The following ADGRG4 variants were observed in gnomAD, a reference collection of about 807,000 sequenced individuals.
ADGRG4 encodes the protein G protein-coupled receptor 112.
In ADGRG4, 122 loss-of-function variants were observed where a neutral mutation model predicts 126.2. The observed-to-expected ratio is 0.97, with a 90% CI of 0.83 to 1.12. The LOEUF (loss-of-function observed/expected upper bound fraction) is 1.12. Ranked by LOEUF, ADGRG4 falls within the 50% of genes most tolerant of loss-of-function variation. The pLI, the probability that ADGRG4 is intolerant of heterozygous loss-of-function variation, is 0.00. For synonymous variants in ADGRG4, 943 were observed against 838.7 expected, an observed-to-expected ratio of 1.12 and a Z score of -2.15; for missense variants, 2,481 against 2,251.8, an observed-to-expected ratio of 1.10 and a Z score of -2.06.
chrX:136,412,233 CA>C, intron 23 of ADGRG4, 31 bp from the exon 24 acceptor site: 1 of 1,040,242 alleles, frequency 9.6e-7, no homozygotes, highest in Non-Finnish European at 1.4e-6. Flanking sequence ...TGAAAGAAAC[CA>C]AAAAAGACTG....
chrX:136,346,832 T>C lies in ADGRG4; in HGVS notation c.3126T>C (p.Ala1042=). 2 of 1,211,038 alleles carry C rather than the reference T, an allele frequency of 1.7e-6. No homozygotes were observed. The highest frequency in any genetic ancestry group is 2.2e-6 in the Non-Finnish European group (2 of 894,871). The change falls in exon 6 of 26, where the codon GCT becomes GCC. Residue 1042 remains alanine (A), a synonymous_variant. Coordinates refer to ENST00000394143, the MANE Select transcript of ADGRG4 (RefSeq NM_153834.4). ...TMSEPSTLAR[A]FSTSVLSDVS... The stretch of plus-strand genomic sequence containing the variant: ...CTGAGCCTTCTACACTGGCCAGGGC[T>C]TTTTCTACATCTGTGCTCTCAGATG...
intron 15 of ADGRG4, among the ~76,000 whole-genome samples, chrX:136,384,274 C>G (rs779229195): frequency 9.0e-6 from 1 of 110,526 alleles, no homozygotes; most frequent in East Asian, 2.8e-4. Context: ...TTTTTACAGT[C>G]TACTTAGAGT....
chrX:136,356,108 G>T lies in ADGRG4; in HGVS notation c.6888-18G>T. 8.7e-7 allele frequency: 1 copy of T among 1,155,675 alleles called. No individual in the cohort carries two copies. The highest frequency in any genetic ancestry group is 1.8e-5 in the African/African-American group (1 of 56,719). ...CTATATTTCATTTTCCTATAATTTT[G>T]TAATGCTTTTGATACAGGGACATTT... is the stretch of plus-strand genomic sequence containing the variant. On this transcript the variant is annotated intron_variant, in intron 8 of 25. Transcript: ENST00000394143.
At chrX:136,362,737 C>T (rs759058421) in intron 12 of ADGRG4, among the ~76,000 whole-genome samples, 1 of 111,892 alleles carries the variant, frequency 8.9e-6, no homozygotes, top group African/African-American at 3.2e-5. Flanking sequence ...TTCTCTACCT[C>T]TGTCCTTTCA....
At chrX:136,329,722 T>G (rs1444415325) in intron 5 of ADGRG4, among the ~76,000 whole-genome samples, 2 of 107,769 alleles carry the variant, frequency 1.9e-5, no homozygotes, top group Non-Finnish European at 3.8e-5. Flanking sequence ...CAGGATGTAG[T>G]GCAGTGGTGC....
At chrX:136,302,477 C>CA (rs1391233009) in intron 1 of ADGRG4, among the ~76,000 whole-genome samples, 2 of 112,077 alleles carry the variant, frequency 1.8e-5, no homozygotes, top group Non-Finnish European at 3.8e-5. Context: ...AACAGACAAA[C>CA]AGAGAGCCAA....
intron 4 of ADGRG4, among the ~76,000 whole-genome samples, chrX:136,318,671 G>A (rs1313741444): frequency 9.0e-6 from 1 of 110,631 alleles, no homozygotes; most frequent in African/African-American, 3.3e-5. Flanking sequence ...GAAAAGCAGG[G>A]GACCCAATTT....
At chrX:136,368,524 T>C (rs750311513) in intron 13 of ADGRG4, among the ~76,000 whole-genome samples, 3 of 112,003 alleles carry the variant, frequency 2.7e-5, no homozygotes, top group Non-Finnish European at 5.6e-5. Context: ...CCAGACACCA[T>C]GCTGTAAGAA....
chrX:136,334,010 A>G (rs2074930979), intron 5 of ADGRG4, among the ~76,000 whole-genome samples: 1 of 111,092 alleles, frequency 9.0e-6, no homozygotes, highest in Non-Finnish European at 1.9e-5. Context: ...TTTACATTTA[A>G]GTCTGTGGTC....
At chrX:136,409,625 C>T (rs1409104892) in intron 23 of ADGRG4, among the ~76,000 whole-genome samples, 1 of 111,671 alleles carries the variant, frequency 9.0e-6, no homozygotes, top group Non-Finnish European at 1.9e-5. Context: ...TTTGGTTACA[C>T]ATGGAGATAA....
At position 136,344,567 on chromosome X, in the gene ADGRG4, C is replaced by T. The variant is rs778402710; in HGVS notation, c.861C>T (p.Ser287=). The T allele has an allele frequency of 1.7e-6, 2 of 1,202,800 alleles. No individual in the cohort carries two copies. Among genetic ancestry groups the T allele is most frequent in the Non-Finnish European group, 2.3e-6 (2 of 887,941 alleles). ...FATDYTTISY[S]NTTSPPLETM... is the part of the protein sequence containing the mutation. ...CTGATTACACAACCATATCATATTCCAATACAACATCTCCACCTCTGGAAA... is the reference window on the plus strand; with the variant it reads ...CTGATTACACAACCATATCATATTCTAATACAACATCTCCACCTCTGGAAA... The change falls in exon 6 of 26, where the codon TCC becomes TCT. Residue 287 remains serine (S), a synonymous_variant. Coordinates refer to ENST00000394143, the MANE Select transcript of ADGRG4 (RefSeq NM_153834.4).
In ADGRG4 at chrX:136,324,027, A is replaced by G. The variant is rs760306241; in HGVS notation, c.685+635A>G. ...TCCTCATAATTAGATTCAGGCTATG[A>G]ATTTTTGGTAAGAATACCACAGAAA... On this transcript the variant is annotated intron_variant, in intron 5 of 25. Transcript: ENST00000394143. Among the ~76,000 whole-genome samples the G allele has an allele frequency of 3.6e-5, 4 of 111,788 alleles. No homozygotes were observed. In the East Asian group the frequency reaches 1.1e-3, roughly 31 times the overall value.
In ADGRG4 at chrX:136,349,457, G is replaced by T; in HGVS notation, c.5751G>T (p.Gly1917=). ...CAGAGACTCTACACCTTGTTCCTGG[G>T]CCTTTGTCAACATTCACAGCCTCTC... The part of the protein sequence containing the change: ...METETLHLVP[G]PLSTFTASQT... Residue 1917 remains glycine (G), a synonymous_variant, in exon 6 of 26, where the codon GGG becomes GGT. Coordinates refer to ENST00000394143, the MANE Select transcript of ADGRG4 (RefSeq NM_153834.4). The T allele has an allele frequency of 8.3e-7, 1 of 1,207,407 alleles. No homozygotes were observed. Among genetic ancestry groups the T allele is most frequent in the Non-Finnish European group, 1.1e-6 (1 of 891,777 alleles).
chrX:136,332,190 A>G (rs1226255573), intron 5 of ADGRG4, among the ~76,000 whole-genome samples: 2 of 93,921 alleles, frequency 2.1e-5, no homozygotes, highest in Non-Finnish European at 4.2e-5. Flanking sequence ...AGAGTGTGAT[A>G]TTCCCCTTCC....
chrX:136,409,553 G>A lies in ADGRG4; in HGVS notation c.8936-2712G>A, dbSNP rs181636604. Among the ~76,000 whole-genome samples the A allele has an allele frequency of 3.6e-4, 40 of 111,912 alleles. 1 individual carries two copies. The highest frequency in any genetic ancestry group is 6.4e-4 in the Non-Finnish European group (34 of 53,227). On this transcript the variant is annotated intron_variant, in intron 23 of 25. Transcript: ENST00000394143. ...TTTGCTCTCCTCGGGGTGCTGCACCGCCTTCCAGGTGGCTGCTGCTCAGAA... is the reference window on the plus strand; with the variant it reads ...TTTGCTCTCCTCGGGGTGCTGCACCACCTTCCAGGTGGCTGCTGCTCAGAA...
rs267606364 is a variant in ADGRG4, at chrX:136,346,516, A to T, written c.2810A>T (p.Tyr937Phe). The T allele has an allele frequency of 8.3e-7, 1 of 1,208,861 alleles. No individual in the cohort carries two copies. Among genetic ancestry groups the T allele is most frequent in the Non-Finnish European group, 1.1e-6 (1 of 893,089 alleles). Residue 937 changes from tyrosine (Y) to phenylalanine (F), a missense_variant, in exon 6 of 26, where the codon TAT (tyrosine) becomes TTT (phenylalanine). Transcript: ENST00000394143. ...GAAATGTTTAATTTTAACCACACCT[A>T]TGTAGCACATTGGACTTCAGAGACA... is the stretch of plus-strand genomic sequence containing the variant. ...MTEMFNFNHT[Y>F]VAHWTSETSE... is the part of the protein sequence containing the mutation.
chrX:136,306,231 C>T (rs976250917), intron 3 of ADGRG4: 2 of 110,546 alleles, frequency 1.8e-5, no homozygotes, highest in African/African-American at 3.3e-5. Flanking sequence ...CCCTCTTTCC[C>T]CCTCTCTCCT....
chrX:136,355,022 T>A (rs764587472), intron 8 of ADGRG4, among the ~76,000 whole-genome samples: 23 of 111,153 alleles, frequency 2.1e-4, no homozygotes, highest in Non-Finnish European at 4.0e-4. Context: ...CTGGAGAGGG[T>A]CTTAAGACTC....
intron 10 of ADGRG4, 42 bp from the exon 11 acceptor site, chrX:136,359,250 G>A (rs1165680634): frequency 8.8e-6 from 10 of 1,139,806 alleles, no homozygotes; most frequent in Non-Finnish European, 1.2e-5. Context: ...GCACTCCCTT[G>A]ACATAACTGC....
Sources: gnomAD v4.1 joint callset for allele counts (sites outside exome capture counted in the v4.1 genomes callset) on GRCh38, gnomAD v4.1.1 for gene constraint, MANE v1.5 for transcripts, NCBI Gene and HGNC (gene_info 2026-07-23, HGNC 2026-07-21) for gene names.